Variants in REL observed in about 807,000 individuals in gnomAD.
The protein encoded by REL is proto-oncogene c-Rel.
A neutral mutation model predicts 45.9 loss-of-function variants in REL; 15 were observed. The ratio of observed to expected loss-of-function variants is 0.33; its 90% CI spans 0.22 to 0.50. The LOEUF (loss-of-function observed/expected upper bound fraction) is 0.50. REL is among the 20% of genes least tolerant of loss of function. The pLI is 0.98. For synonymous variants in REL, 239 were observed against 242.1 expected (o/e 0.99, Z 0.12); for missense variants, 601 against 715.2 (o/e 0.84, Z 1.82).
chr2:60,903,692 G>A (rs1359781514), intron 4 of REL, among the ~76,000 whole-genome samples: 1 of 152,004 alleles, frequency 6.6e-6, no homozygotes, highest in Non-Finnish European at 1.5e-5. Context: ...TACTACGCCT[G>A]GCTAATTTTT....
chr2:60,905,723 A>T (rs1235475430), intron 4 of REL, among the ~76,000 whole-genome samples: 1 of 152,132 alleles, frequency 6.6e-6, no homozygotes, highest in East Asian at 1.9e-4. Flanking sequence ...GCCTTAGAGC[A>T]GGAAGGAAAG....
At position 60,881,603 on chromosome 2, in the gene REL, C is replaced by G. The variant is rs6727504; in HGVS notation, c.-238C>G. The G allele has an allele frequency of 4.1e-3, 2,084 of 504,644 alleles. 38 individuals carry two copies. The highest frequency in any genetic ancestry group is 0.039 in the African/African-American group (1,926 of 49,234). 31.3% of individuals were successfully genotyped at this position (504,644 alleles called of 1,614,324 possible). A position where few individuals can be genotyped will look rare whatever the true frequency, so the allele number is the denominator to read the frequency against. ...GGCTCTCCCCGCTCCGCCCCCTGCC[C>G]CTGGCTCCCGTACGGTGGACGGCGA... On this transcript the variant is annotated 5_prime_UTR_variant, in exon 1 of 10. Transcript: ENST00000394479.
At position 60,924,818 on chromosome 2, in the gene REL, C is replaced by G. The variant is rs1674231386; in HGVS notation, c.*2283C>G. 4.8e-6 allele frequency: 1 copy of G among 207,652 alleles called. No homozygotes were observed. The highest frequency in any genetic ancestry group is 7.3e-5 in the East Asian group (1 of 13,756). 12.9% of individuals were successfully genotyped at this position (207,652 alleles called of 1,614,324 possible). On this transcript the variant is annotated 3_prime_UTR_variant, in exon 10 of 10. Transcript: ENST00000394479. ...TGGTGAGCTGAATGCTGGGTAATCT[C>G]TACTAGCTCCTTAATCAGATTTAAA...
At chr2:60,903,756 C>T (rs1407711920) in intron 4 of REL, among the ~76,000 whole-genome samples, 1 of 152,130 alleles carries the variant, frequency 6.6e-6, no homozygotes, top group Non-Finnish European at 1.5e-5. Context: ...GTGTTGAACT[C>T]CCAACCTCAA....
chr2:60,913,033 A>G (rs935688959), intron 4 of REL, among the ~76,000 whole-genome samples: 1 of 152,176 alleles, frequency 6.6e-6, no homozygotes, highest in African/African-American at 2.4e-5. Context: ...AGGTATAAAA[A>G]GACAAGACAC....
At chr2:60,917,349 T>G (rs571650520) in intron 5 of REL, among the ~76,000 whole-genome samples, 1 of 152,228 alleles carries the variant, frequency 6.6e-6, no homozygotes, top group East Asian at 1.9e-4. Flanking sequence ...CCATATATCT[T>G]GGACATTTTC....
chr2:60,890,949 G>C (rs35106495), intron 1 of REL, among the ~76,000 whole-genome samples: 24 of 152,234 alleles, frequency 1.6e-4, no homozygotes, highest in Non-Finnish European at 2.9e-4. Context: ...TTTGAGAGTC[G>C]TCCATGTTAT....
At chr2:60,918,059 G>A (rs1674031920) in intron 5 of REL, 132 bp from the exon 6 acceptor site, 1 of 598,820 alleles carries the variant, frequency 1.7e-6, no homozygotes, top group Non-Finnish European at 3.0e-6. Flanking sequence ...GATGATTAAT[G>A]TATTTAGTGT....
At position 60,918,219 on chromosome 2, in the gene REL, T is replaced by C. The variant is rs375839931; in HGVS notation, c.564T>C (p.Ile188=). The change falls in exon 6 of 10, where the codon ATT becomes ATC. Residue 188 remains isoleucine (I), a synonymous_variant. Coordinates refer to ENST00000394479, the MANE Select transcript of REL (RefSeq NM_001291746.2). ...NRAPNTAELR[I]CRVNKNCGSV... ...CTCCAAATACTGCAGAATTAAGGATTTGTCGTGTAAACAAGAATTGTGGAA... is the reference window on the plus strand; with the variant it reads ...CTCCAAATACTGCAGAATTAAGGATCTGTCGTGTAAACAAGAATTGTGGAA... 39 of 1,608,520 alleles carry C rather than the reference T, an allele frequency of 2.4e-5. No individual in the cohort carries two copies. Among genetic ancestry groups the C allele is most frequent in the Non-Finnish European group, 3.1e-5 (36 of 1,177,006 alleles).
chr2:60,920,017 C>CT (rs778635855), intron 7 of REL, 24 bp from the exon 8 acceptor site: 3 of 1,520,710 alleles, frequency 2.0e-6, no homozygotes, highest in Admixed American at 3.7e-5. Flanking sequence ...TTTTTATCTG[C>CT]TTTCCTGGTT....
Position 60,916,881 on chromosome 2 carries a change from T to C in REL, c.399T>C (p.Pro133=). 1 of 1,611,718 alleles carries C rather than the reference T, an allele frequency of 6.2e-7. No homozygotes were observed. The highest frequency in any genetic ancestry group is 8.5e-7 in the Non-Finnish European group (1 of 1,179,040). The change falls in exon 5 of 10, where the codon CCT becomes CCC. Residue 133 remains proline (P), a synonymous_variant. Transcript: ENST00000394479. ...AAATTTTTTTTTTCTATTCAGTCCC[T>C]GAAAAACAGCTGAATGATATTGAAG... The part of the protein sequence containing the change: ...IKAGINPFNV[P]EKQLNDIEDC...
intron 1 of REL, among the ~76,000 whole-genome samples, chr2:60,882,816 A>G (rs907772818): frequency 3.9e-5 from 6 of 152,260 alleles, no homozygotes; most frequent in Admixed American, 3.9e-4. Context: ...GAGCTTTAAA[A>G]TAATGAGTAG....
At chr2:60,887,576 G>C (rs1673101633) in intron 1 of REL, among the ~76,000 whole-genome samples, 1 of 151,522 alleles carries the variant, frequency 6.6e-6, no homozygotes, top group South Asian at 2.1e-4. Flanking sequence ...CTAAATTACA[G>C]TTATTTGGAA....
chr2:60,889,727 G>T (rs1298564768), intron 1 of REL, among the ~76,000 whole-genome samples: 10 of 149,676 alleles, frequency 6.7e-5, no homozygotes, highest in Middle Eastern at 3.4e-3. Flanking sequence ...TGGTTTTTTT[G>T]TCCTCACGAT....
intron 7 of REL, among the ~76,000 whole-genome samples, chr2:60,918,959 A>G (rs1276924047): frequency 2.0e-5 from 3 of 151,744 alleles, no homozygotes; most frequent in African/African-American, 7.3e-5. Flanking sequence ...CTGGGCTACT[A>G]CTTTTGTATT....
intron 7 of REL, among the ~76,000 whole-genome samples, chr2:60,919,355 C>G (rs985951135): frequency 6.6e-6 from 1 of 152,058 alleles, no homozygotes; most frequent in African/African-American, 2.4e-5. Context: ...CCACCTCAGC[C>G]TCGTGAGTAC....
rs529537255 is a variant in REL, at chr2:60,922,199, G to A, written c.1428G>A (p.Glu476=). Residue 476 remains glutamate (E), a synonymous_variant, in exon 10 of 10, where the codon GAG becomes GAA. Transcript: ENST00000394479. ...CAACCAGCAGTGACAGCATGGGAGAGACTGATAATCCAAGACTTCTGAGCA... is the reference window on the plus strand; with the variant it reads ...CAACCAGCAGTGACAGCATGGGAGAAACTGATAATCCAAGACTTCTGAGCA... The part of the protein sequence containing the change: ...MMTTSSDSMG[E]TDNPRLLSMN... 55 of 1,614,138 alleles carry A rather than the reference G, an allele frequency of 3.4e-5. 1 individual carries two copies. The Admixed American group carries it at 7.8e-4, about 23-fold the overall frequency.
chr2:60,891,480 C>T (rs970091501), intron 1 of REL, among the ~76,000 whole-genome samples: 2 of 151,952 alleles, frequency 1.3e-5, no homozygotes, highest in African/African-American at 4.8e-5. Context: ...TGTTTTGACA[C>T]TACATAGGGA....
intron 3 of REL, among the ~76,000 whole-genome samples, chr2:60,897,166 C>T (rs1183604986): frequency 6.6e-6 from 1 of 152,048 alleles, no homozygotes; most frequent in Non-Finnish European, 1.5e-5. Context: ...TTTTGATTTT[C>T]AAATTGACCC....
Sources: allele counts gnomAD v4.1 joint callset (sites outside exome capture counted in the v4.1 genomes callset), GRCh38; gene constraint gnomAD v4.1.1; transcripts MANE v1.5; gene names NCBI Gene and HGNC (gene_info 2026-07-23, HGNC 2026-07-21).